CDKL3: variants seen among roughly 807,000 people sequenced by gnomAD.
The protein encoded by CDKL3 is cyclin-dependent kinase-like 3.
A neutral mutation model predicts 69.3 loss-of-function variants in CDKL3; 65 were observed. The observed-to-expected ratio is 0.94, with a 90% CI of 0.77 to 1.15. The LOEUF (loss-of-function observed/expected upper bound fraction) is 1.15. Ranked by LOEUF, CDKL3 falls within the 50% of genes most tolerant of loss-of-function variation. The pLI is 0.00. For synonymous variants in CDKL3, 202 were observed against 221.6 expected, an observed-to-expected ratio of 0.91 and a Z score of 0.79; for missense variants, 652 against 689.2, an observed-to-expected ratio of 0.95 and a Z score of 0.61.
At chr5:134,321,141 T>G (rs113459956) in intron 5 of CDKL3, among the ~76,000 whole-genome samples, 1 of 150,500 alleles carries the variant, frequency 6.6e-6, no homozygotes, top group African/African-American at 2.4e-5. Context: ...CCTGAGTAAC[T>G]GGGATTACAG....
chr5:134,361,835 T>C (rs985755063), intron 2 of CDKL3, among the ~76,000 whole-genome samples: 15 of 151,884 alleles, frequency 9.9e-5, no homozygotes, highest in Admixed American at 2.0e-4. Flanking sequence ...ACCCAGGAGG[T>C]GGAGGTTGCA....
downstream of CDKL3, among the ~76,000 whole-genome samples, chr5:134,285,749 C>T (rs1040812094): frequency 6.6e-6 from 1 of 152,222 alleles, no homozygotes; most frequent in Non-Finnish European, 1.5e-5. Context: ...ATTTTCTGAA[C>T]TTTTATGCTT....
intron 4 of CDKL3, among the ~76,000 whole-genome samples, chr5:134,333,071 T>C (rs945988184): frequency 1.3e-5 from 2 of 152,194 alleles, no homozygotes; most frequent in African/African-American, 4.8e-5. Context: ...GAATGGGAGT[T>C]CACTCATGAT....
chr5:134,361,144 T>C (rs1755906351), intron 2 of CDKL3, among the ~76,000 whole-genome samples: 1 of 152,248 alleles, frequency 6.6e-6, no homozygotes, highest in African/African-American at 2.4e-5. Context: ...ATGCTACTTA[T>C]TCTATTTTTC....
chr5:134,367,834 G>C (rs1757817230), upstream of CDKL3, among the ~76,000 whole-genome samples: 2 of 152,154 alleles, frequency 1.3e-5, no homozygotes, highest in African/African-American at 4.8e-5. Context: ...TATACGAAAT[G>C]ATGTACAAGA....
downstream of CDKL3, among the ~76,000 whole-genome samples, chr5:134,294,159 A>T (rs943342349): frequency 6.6e-5 from 10 of 152,324 alleles, no homozygotes; most frequent in East Asian, 1.9e-3. Context: ...ATAATACATA[A>T]AAAGAATCAA....
chr5:134,361,835 T>A (rs985755063), intron 2 of CDKL3, among the ~76,000 whole-genome samples: 4 of 151,766 alleles, frequency 2.6e-5, no homozygotes, highest in African/African-American at 9.7e-5. Context: ...ACCCAGGAGG[T>A]GGAGGTTGCA....
chr5:134,306,653 G>T lies in CDKL3; in HGVS notation c.1414C>A (p.Gln472Lys). The change falls in exon 10 of 13, where the codon CAA becomes AAA. Residue 472 changes from glutamine (Q) to lysine (K), a missense_variant. By Grantham distance (53) the Gln-to-Lys change is moderately conservative (BLOSUM62 1). Transcript: ENST00000265334. ...TCTTGCCTGCTATTAGGCATAACTT[G>T]TCCAATAGATTGTGAAGAAGTGCGT... ...KRRTSSQSIG[Q>K]VMPNSRQEDP... 6.3e-7 allele frequency: 1 copy of T among 1,582,508 alleles called. No individual in the cohort carries two copies. Among genetic ancestry groups the T allele is most frequent in the Non-Finnish European group, 8.5e-7 (1 of 1,169,838 alleles).
chr5:134,354,361 A>C (rs1754049054), intron 3 of CDKL3, among the ~76,000 whole-genome samples: 3 of 152,224 alleles, frequency 2.0e-5, no homozygotes, highest in Admixed American at 2.0e-4. Flanking sequence ...TCACAGCACA[A>C]GTAGAAATGT....
Position 134,349,138 on chromosome 5 carries a change from G to T in CDKL3, c.539+1111C>A, listed in dbSNP as rs148350285. Among the ~76,000 whole-genome samples the T allele has an allele frequency of 4.2e-3, 634 of 152,278 alleles. 3 individuals are homozygous for T. Among genetic ancestry groups the T allele is most frequent in the South Asian group, 0.023 (110 of 4,826 alleles). On this transcript the variant is annotated intron_variant, in intron 4 of 12. Transcript: ENST00000265334. ...GTAGCAACTTCATCATAGGGTTGTT[G>T]TAAGGATTAAATTATTTGATGTATC...
rs188362134 is a variant in CDKL3, at chr5:134,313,918, A to C, written c.793-1538T>G. ...TTTGGGGGGCAACAGAGGGTGGATC[A>C]CCTGAGGTTGGGAGTTAGAGACCAG... On this transcript the variant is annotated intron_variant, in intron 6 of 12. Transcript: ENST00000265334. Among the ~76,000 whole-genome samples the C allele has an allele frequency of 4.5e-4, 69 of 152,082 alleles. No homozygotes were observed. The East Asian group carries it at 0.012, about 26-fold the overall frequency.
intron 6 of CDKL3, among the ~76,000 whole-genome samples, chr5:134,313,023 A>G (rs1400808414): frequency 6.6e-6 from 1 of 152,246 alleles, no homozygotes; most frequent in Admixed American, 6.5e-5. Context: ...TACTGAAAAC[A>G]GGTTTTCAAT....
intron 2 of CDKL3, among the ~76,000 whole-genome samples, chr5:134,362,257 C>T (rs1329337914): frequency 1.3e-5 from 2 of 152,184 alleles, no homozygotes; most frequent in Non-Finnish European, 2.9e-5. Flanking sequence ...CGGTGGCTCA[C>T]TTCTATAATC....
Position 134,322,898 on chromosome 5 carries a change from G to A in CDKL3, c.540-995C>T, listed in dbSNP as rs556838869. 5.9e-5 allele frequency among the ~76,000 whole-genome samples: 9 copies of A among 151,926 alleles called. No individual in the cohort carries two copies. The East Asian group carries it at 1.7e-3, about 29-fold the overall frequency. On this transcript the variant is annotated intron_variant, in intron 4 of 12. Coordinates refer to ENST00000265334, the MANE Select transcript of CDKL3 (RefSeq NM_001113575.2). ...GGAGGCTGAGGCAGGAAAATCACTT[G>A]AACCCGGGAGGTGGAGGTTGTGGTG...
In CDKL3 at chr5:134,319,453, TG is replaced by T; in HGVS notation, c.696del (p.Ile233PhefsTer5). On this transcript the variant is annotated frameshift_variant, in exon 6 of 13. Coordinates refer to ENST00000265334, the MANE Select transcript of CDKL3 (RefSeq NM_001113575.2). LOFTEE classifies it high-confidence loss of function. ...TGAGGAAGAACTACCCCAGCAAAAA[TG>T]GGGCTCTTGGAAAAGATATTCTGCA... ...PHLQNIFSKSPIFAGVVLPQV... is the reference protein window; with the variant it reads ...PHLQNIFSKSXIFAGVVLPQV... The T allele has an allele frequency of 1.3e-6, 2 of 1,533,876 alleles. No individual in the cohort carries two copies. The highest frequency in any genetic ancestry group is 1.8e-6 in the Non-Finnish European group (2 of 1,142,540).
At chr5:134,354,173 T>C (rs2149615822) in intron 3 of CDKL3, among the ~76,000 whole-genome samples, 1 of 152,336 alleles carries the variant, frequency 6.6e-6, no homozygotes, top group East Asian at 1.9e-4. Context: ...CATGCAGTAC[T>C]GTTGTCTGTT....
intron 3 of CDKL3, among the ~76,000 whole-genome samples, chr5:134,351,295 C>T (rs930589146): frequency 1.3e-5 from 2 of 152,188 alleles, no homozygotes; most frequent in African/African-American, 2.4e-5. Context: ...TGGTCAATCT[C>T]ACGTACTCTC....
chr5:134,363,191 C>T (rs10491286), intron 2 of CDKL3, among the ~76,000 whole-genome samples: 23,126 of 152,154 alleles, frequency 0.15, 2,231 homozygotes, highest in African/African-American at 0.27. Context: ...ATTGCCTTAT[C>T]TATAGTATTA....
chr5:134,360,121 T>A (rs1204705171), intron 2 of CDKL3, 30 bp from the exon 3 acceptor site: 18 of 1,430,080 alleles, frequency 1.3e-5, no homozygotes, highest in Non-Finnish European at 1.6e-5. Context: ...CACAAATTTT[T>A]AATTATTTCA....
Sources: allele counts gnomAD v4.1 joint callset (sites outside exome capture counted in the v4.1 genomes callset), GRCh38; gene constraint gnomAD v4.1.1; transcripts MANE v1.5; gene names NCBI Gene and HGNC (gene_info 2026-07-23, HGNC 2026-07-21).